Variants in C16orf96 observed in about 807,000 individuals in gnomAD.
C16orf96 encodes chromosome 16 open reading frame 96.
A neutral mutation model predicts 103.6 loss-of-function variants in C16orf96; 108 were observed. The observed-to-expected ratio is 1.04, with a 90% CI of 0.89 to 1.22. C16orf96 has a LOEUF of 1.22. Among genes scored for constraint, C16orf96 ranks in the 50% most tolerant of loss-of-function variants. The probability of loss-of-function intolerance (pLI) is 0.00; values close to 1 mark genes in which losing one functional copy is unlikely to be tolerated. For missense variants in C16orf96, 1,586 were observed against 1,464.2 expected (o/e 1.08, Z -1.36); for synonymous variants, 566 against 593.5 (o/e 0.95, Z 0.67).
At chr16:4,553,565 A>C (rs560450542), upstream of C16orf96, among the ~76,000 whole-genome samples, 1 of 151,658 alleles carries the variant, frequency 6.6e-6, no homozygotes. Context: ...CTCACGCTCT[A>C]CTCCTGGGCT....
At chr16:4,573,716 C>T (rs2059466225) in intron 2 of C16orf96, among the ~76,000 whole-genome samples, 1 of 143,958 alleles carries the variant, frequency 6.9e-6, no homozygotes, top group African/African-American at 2.6e-5. Context: ...CACACCACTG[C>T]ACTCCAGCCT....
At chr16:4,577,514 G>T (rs1596527036) in intron 5 of C16orf96, among the ~76,000 whole-genome samples, 1 of 152,034 alleles carries the variant, frequency 6.6e-6, no homozygotes, top group Non-Finnish European at 1.5e-5. Flanking sequence ...AGCTGGGCAT[G>T]GTGGCGGGCG....
chr16:4,574,814 C>T, intron 3 of C16orf96, 25 bp downstream of exon 3: 1 of 1,549,716 alleles, frequency 6.5e-7, no homozygotes, highest in Non-Finnish European at 8.7e-7. Context: ...CCCTGTCTTC[C>T]CCCACTCCCC....
rs766992440 is a variant in C16orf96 at position 4,593,186 on chromosome 16, C to G, written c.2775-38C>G. 8.5e-6 allele frequency: 13 copies of G among 1,536,080 alleles called. No individual in the cohort carries two copies. The highest frequency in any genetic ancestry group is 4.8e-5 in the South Asian group (4 of 83,646). ...ACGAGCCCTCTGCTGGCCTAGCACG[C>G]CTCCCACAGCCCCTGCTGTGCCCTT... On this transcript the variant is annotated intron_variant, in intron 11 of 15. Coordinates refer to ENST00000444310, the MANE Select transcript of C16orf96 (RefSeq NM_001145011.2). The surrounding 1 kb of genome is among the most constrained non-coding windows in gnomAD (Gnocchi z 4.2).
At position 4,578,997 on chromosome 16, in the gene C16orf96, T is replaced by G; in HGVS notation, c.2213T>G (p.Ile738Ser). The change falls in exon 6 of 16, where the codon ATT becomes AGT. Residue 738 changes from isoleucine to serine, a missense_variant. Ile to Ser is a moderately radical substitution (Grantham distance 142). Coordinates refer to ENST00000444310, the MANE Select transcript of C16orf96 (RefSeq NM_001145011.2). ...GTTVDILQKK[I>S]GSLQKSRLKE... Reference sequence around the variant, plus strand: ...ACAGTGGACATATTGCAGAAAAAGATTGGCAGCCTCCAGAAATCTAGGCTC... The same window carrying G: ...ACAGTGGACATATTGCAGAAAAAGAGTGGCAGCCTCCAGAAATCTAGGCTC... 1 of 1,551,468 alleles carries G rather than the reference T, an allele frequency of 6.4e-7. No individual in the cohort carries two copies. The highest frequency in any genetic ancestry group is 8.7e-7 in the Non-Finnish European group (1 of 1,146,898).
chr16:4,579,922 ATTC>A lies in C16orf96; in HGVS notation c.2242-87_2242-85del, dbSNP rs1352433212. ...CACCACGCCCAGCCTGGTCTGGTAC[ATTC>A]TTCTTGGCCTCAACCCTCCCTCAGG... On this transcript the variant is annotated intron_variant, in intron 6 of 15. Transcript: ENST00000444310. 1.2e-5 allele frequency: 13 copies of A among 1,092,522 alleles called. No individual in the cohort carries two copies. The Admixed American group carries it at 2.5e-4, about 21-fold the overall frequency. 67.7% of individuals were successfully genotyped at this position (1,092,522 alleles called of 1,614,324 possible). A position where few individuals can be genotyped will look rare whatever the true frequency, so the allele number is the denominator to read the frequency against.
chr16:4,554,052 A>G (rs1047428781), upstream of C16orf96, among the ~76,000 whole-genome samples: 2 of 152,142 alleles, frequency 1.3e-5, no homozygotes, highest in Admixed American at 6.5e-5. Context: ...TGTTAAGCCG[A>G]GAGTGTCCCT....
intron 15 of C16orf96, among the ~76,000 whole-genome samples, 183 bp from the exon 16 acceptor site, chr16:4,599,917 C>T (rs1190073474): frequency 6.6e-6 from 1 of 152,206 alleles, no homozygotes; most frequent in Non-Finnish European, 1.5e-5. Flanking sequence ...TATCTTGGGT[C>T]ACCCACCCAG....
At chr16:4,583,269 G>A (rs1238718128) in intron 7 of C16orf96, among the ~76,000 whole-genome samples, 2 of 151,774 alleles carry the variant, frequency 1.3e-5, no homozygotes, top group African/African-American at 4.8e-5. Flanking sequence ...GGGAGGCCAA[G>A]GCAGGAGGAT....
rs1403002158 is a variant in C16orf96, at chr16:4,600,628, G to A, written c.*311G>A. The A allele has an allele frequency of 5.6e-5, 23 of 409,082 alleles. 1 individual carries two copies. The highest frequency in any genetic ancestry group is 5.0e-4 in the South Asian group (22 of 43,690). 25.3% of individuals were successfully genotyped at this position (409,082 alleles called of 1,614,324 possible). A position where few individuals can be genotyped will look rare whatever the true frequency, so the allele number is the denominator to read the frequency against. Reference sequence around the variant, plus strand: ...AGAAAGGGTGCTGGGGCCCTGGATAGAGGGGAGGGGTCTGTGTAGGGGACC... The same window carrying A: ...AGAAAGGGTGCTGGGGCCCTGGATAAAGGGGAGGGGTCTGTGTAGGGGACC... On this transcript the variant is annotated 3_prime_UTR_variant, in exon 16 of 16. Coordinates refer to ENST00000444310, the MANE Select transcript of C16orf96 (RefSeq NM_001145011.2).
rs886836446 is a variant in C16orf96, at chr16:4,575,159, C to T, written c.694-15C>T. 34 of 1,545,074 alleles carry T rather than the reference C, an allele frequency of 2.2e-5. No individual in the cohort carries two copies. Among genetic ancestry groups the T allele is most frequent in the Non-Finnish European group, 2.9e-5 (33 of 1,146,270 alleles). ...GCTGGAAGCCAGCAGAGCCCCTCTG[C>T]CCCCTCTTCTGCAGGAAATTGGTTC... On this transcript the variant is annotated splice_polypyrimidine_tract_variant and intron_variant, in intron 4 of 15. Coordinates refer to ENST00000444310, the MANE Select transcript of C16orf96 (RefSeq NM_001145011.2).
intron 3 of C16orf96, 55 bp downstream of exon 3, chr16:4,574,844 C>T (rs1173176293): frequency 1.3e-5 from 20 of 1,535,710 alleles, no homozygotes; most frequent in African/African-American, 2.7e-5. Flanking sequence ...CCCAACCTCC[C>T]GGGTCCTGGG....
the C16orf96 span, among the ~76,000 whole-genome samples, chr16:4,541,779 G>T: frequency 6.6e-6 from 1 of 152,152 alleles, no homozygotes; most frequent in Non-Finnish European, 1.5e-5. Flanking sequence ...CAGTTAGCTT[G>T]GTGCAGGCAA....
At chr16:4,567,068 G>C (rs1356896811) in intron 1 of C16orf96, among the ~76,000 whole-genome samples, 1 of 151,530 alleles carries the variant, frequency 6.6e-6, no homozygotes, top group Non-Finnish European at 1.5e-5. Context: ...GCTTTTCTTT[G>C]TTCCAGTGTC....
In C16orf96 at chr16:4,582,612, G is replaced by A. The variant is rs978050890; in HGVS notation, c.2352+2487G>A. Among the ~76,000 whole-genome samples, 7 of 152,118 alleles carry A rather than the reference G, an allele frequency of 4.6e-5. No individual in the cohort carries two copies. In the East Asian group the frequency reaches 9.7e-4, roughly 21 times the overall value. On this transcript the variant is annotated intron_variant, in intron 7 of 15. Coordinates refer to ENST00000444310, the MANE Select transcript of C16orf96 (RefSeq NM_001145011.2). Reference sequence around the variant, plus strand: ...GTGGGTGGACTGCATGCAGGGGTACGTGCTCAGACTGTGCACCACTGGCCA... The same window carrying A: ...GTGGGTGGACTGCATGCAGGGGTACATGCTCAGACTGTGCACCACTGGCCA...
the C16orf96 span, among the ~76,000 whole-genome samples, chr16:4,540,553 T>C: frequency 1.3e-5 from 2 of 151,798 alleles, no homozygotes; most frequent in African/African-American, 4.8e-5. Context: ...GCCAACACAG[T>C]GAAACCCCGT....
chr16:4,595,638 C>T (rs1173422485), intron 14 of C16orf96, among the ~76,000 whole-genome samples: 1 of 152,166 alleles, frequency 6.6e-6, no homozygotes, highest in Non-Finnish European at 1.5e-5. Context: ...GGAGCAGTCC[C>T]GGAGCCACAA....
At chr16:4,541,231 A>C in the C16orf96 span, among the ~76,000 whole-genome samples, 1 of 152,156 alleles carries the variant, frequency 6.6e-6, no homozygotes, top group Non-Finnish European at 1.5e-5. Context: ...TTTCAAGTGG[A>C]ATTTAAAGCC....
intron 15 of C16orf96, 70 bp downstream of exon 15, chr16:4,599,434 T>C (rs917182745): frequency 6.6e-6 from 9 of 1,362,666 alleles, no homozygotes; most frequent in Non-Finnish European, 9.2e-6. Flanking sequence ...CCTCGTCTCA[T>C]CCCATCCCCC....
Sources: gnomAD v4.1 joint callset for allele counts (sites outside exome capture counted in the v4.1 genomes callset) on GRCh38, gnomAD v4.1.1 for gene constraint, Gnocchi (gnomAD v3.1) non-coding constraint, MANE v1.5 for transcripts, NCBI Gene and HGNC (gene_info 2026-07-23, HGNC 2026-07-21) for gene names.